The following SMAP1 variants were observed in gnomAD, a reference collection of about 807,000 sequenced individuals.
SMAP1 encodes the protein stromal membrane-associated protein 1.
SMAP1 carries 24 observed loss-of-function variants against 58.5 expected under a neutral mutation model. The ratio of observed to expected loss-of-function variants is 0.41; its 90% CI spans 0.30 to 0.58. The LOEUF is 0.58. Among genes scored for constraint, SMAP1 ranks in the 20% least tolerant of loss-of-function variants. The probability of loss-of-function intolerance (pLI) is 0.29; values close to 1 mark genes in which losing one functional copy is unlikely to be tolerated. For missense variants in SMAP1, 563 were observed against 566.3 expected (o/e 0.99, Z 0.06); for synonymous variants, 216 against 196.6 (o/e 1.10, Z -0.82).
chr6:70,756,008 A>C (rs1186066769), intron 3 of SMAP1, among the ~76,000 whole-genome samples: 1 of 152,006 alleles, frequency 6.6e-6, no homozygotes, highest in Non-Finnish European at 1.5e-5. Flanking sequence ...CACATAATCC[A>C]CCTTTATGAG....
rs753580446 is a variant in SMAP1, at chr6:70,791,746, G to T, written c.472G>T (p.Ala158Ser). The change falls in exon 5 of 11, where the codon GCT becomes TCT. Residue 158 changes from alanine (A) to serine (S), a missense_variant. By Grantham distance (99) the Ala-to-Ser change is moderately conservative. This residue lies in a region of SMAP1 where 494 missense variants were observed against 473.8 expected (regional missense o/e 1.04). Coordinates refer to ENST00000370455, the MANE Select transcript of SMAP1 (RefSeq NM_001044305.3). The part of the protein sequence containing the change: ...PLVSSPSLQA[A>S]VDKNKLEKEK... ...GGTATCCTCTCCTTCTCTGCAAGCT[G>T]CTGTTGACAAAAATAAATTGGAGGT... 7.3e-5 allele frequency: 117 copies of T among 1,612,900 alleles called. No homozygotes were observed. Among genetic ancestry groups the T allele is most frequent in the Non-Finnish European group, 9.2e-5 (109 of 1,179,514 alleles).
chr6:70,760,264 G>T (rs1766694257), intron 3 of SMAP1, among the ~76,000 whole-genome samples: 1 of 152,010 alleles, frequency 6.6e-6, no homozygotes, highest in African/African-American at 2.4e-5. Flanking sequence ...ATTTGCTGTT[G>T]TTACCTCAGT....
At chr6:70,749,481 A>G (rs776379835) in intron 2 of SMAP1, among the ~76,000 whole-genome samples, 1 of 152,188 alleles carries the variant, frequency 6.6e-6, no homozygotes, top group Non-Finnish European at 1.5e-5. Flanking sequence ...TTAAGATTTG[A>G]CTATTTTAAC....
Position 70,857,939 on chromosome 6 carries a change from A to G in SMAP1, c.979A>G (p.Thr327Ala), listed in dbSNP as rs1222837861. Residue 327 changes from threonine (T) to alanine (A), a missense_variant, in exon 10 of 11, where the codon ACA (threonine) becomes GCA (alanine). Thr to Ala is a moderately conservative substitution (Grantham distance 58). Coordinates refer to ENST00000370455, the MANE Select transcript of SMAP1 (RefSeq NM_001044305.3). ...TGGTGCAGGTGTATTTATGGGACCC[A>G]CAAATATACCATTTACCTCACAAGC... ...QSTPGVFMGP[T>A]NIPFTSQAPA... 3.1e-6 allele frequency: 5 copies of G among 1,614,026 alleles called. No individual in the cohort carries two copies. Among genetic ancestry groups the G allele is most frequent in the Non-Finnish European group, 4.2e-6 (5 of 1,179,950 alleles).
intron 5 of SMAP1, among the ~76,000 whole-genome samples, chr6:70,795,702 G>A (rs765139790): frequency 1.8e-4 from 28 of 151,958 alleles, no homozygotes; most frequent in Admixed American, 3.3e-4. Context: ...AGCTCTGAGA[G>A]GTTAGGGAGC....
chr6:70,798,821 T>TATTATA, intron 6 of SMAP1, 84 bp downstream of exon 6: 1 of 1,060,940 alleles, frequency 9.4e-7, no homozygotes, highest in Non-Finnish European at 1.3e-6. Context: ...TGGATATTTA[T>TATTATA]AATATGTAAA....
chr6:70,763,544 T>C (rs1265048574), intron 3 of SMAP1, among the ~76,000 whole-genome samples: 1 of 152,148 alleles, frequency 6.6e-6, no homozygotes, highest in Non-Finnish European at 1.5e-5. Flanking sequence ...TTGCTCATTT[T>C]AAATCAAAAA....
At chr6:70,840,415 T>A (rs1770757743) in intron 7 of SMAP1, among the ~76,000 whole-genome samples, 1 of 152,222 alleles carries the variant, frequency 6.6e-6, no homozygotes, top group South Asian at 2.1e-4. Context: ...TTATATTATA[T>A]ATACTTTATA....
intron 4 of SMAP1, among the ~76,000 whole-genome samples, chr6:70,784,119 C>T (rs569811741): frequency 1.6e-4 from 24 of 152,320 alleles, no homozygotes; most frequent in African/African-American, 5.8e-4. Flanking sequence ...AGAAACTCTA[C>T]AAGCCAGAAG....
intron 10 of SMAP1, chr6:70,859,748 A>G (rs1010803819): frequency 5.5e-6 from 1 of 181,136 alleles, no homozygotes; most frequent in Non-Finnish European, 1.1e-5. Flanking sequence ...TAGATCAGCG[A>G]GAGAAATAAA....
chr6:70,852,391 G>A (rs2150009522), intron 7 of SMAP1, 149 bp from the exon 8 acceptor site: 2 of 678,954 alleles, frequency 2.9e-6, no homozygotes, highest in East Asian at 3.3e-5. Flanking sequence ...TTGGGAAAGG[G>A]GATCGGGGGT....
At chr6:70,793,978 C>G (rs1446955851) in intron 5 of SMAP1, among the ~76,000 whole-genome samples, 2 of 152,096 alleles carry the variant, frequency 1.3e-5, no homozygotes, top group Admixed American at 6.5e-5. Context: ...GGTGATCTGC[C>G]CACCTCAGCC....
chr6:70,830,331 G>T (rs1230264582), intron 6 of SMAP1, among the ~76,000 whole-genome samples: 2 of 152,108 alleles, frequency 1.3e-5, no homozygotes, highest in Non-Finnish European at 2.9e-5. Context: ...GGAAGGTGTG[G>T]TCATCAAGGT....
chr6:70,839,808 A>G (rs1452649782), intron 7 of SMAP1, among the ~76,000 whole-genome samples: 4 of 152,148 alleles, frequency 2.6e-5, no homozygotes, highest in Non-Finnish European at 4.4e-5. Context: ...ACTCTTAAAA[A>G]ATATTTTCAG....
At chr6:70,844,949 C>G (rs1463033607) in intron 7 of SMAP1, among the ~76,000 whole-genome samples, 4 of 152,266 alleles carry the variant, frequency 2.6e-5, no homozygotes, top group Non-Finnish European at 4.4e-5. Context: ...ATGGACGCAG[C>G]CTTCTTTAAA....
chr6:70,826,052 C>CT (rs1278685765), intron 6 of SMAP1, among the ~76,000 whole-genome samples: 4 of 152,162 alleles, frequency 2.6e-5, no homozygotes, highest in Non-Finnish European at 5.9e-5. Flanking sequence ...ATAAAATGTA[C>CT]TACTGCAACC....
intron 4 of SMAP1, among the ~76,000 whole-genome samples, chr6:70,789,980 T>C (rs915099263): frequency 6.6e-6 from 1 of 152,204 alleles, no homozygotes; most frequent in Non-Finnish European, 1.5e-5. Flanking sequence ...CAAGCACTTA[T>C]ATAATGAATT....
chr6:70,708,633 CTT>C (rs1197849637), intron 1 of SMAP1, among the ~76,000 whole-genome samples: 1 of 152,116 alleles, frequency 6.6e-6, no homozygotes, highest in Admixed American at 6.5e-5. Context: ...CTTGTTATCT[CTT>C]GTCTTCTTGA....
At chr6:70,832,789 T>C (rs1295113863) in intron 6 of SMAP1, among the ~76,000 whole-genome samples, 19 of 152,196 alleles carry the variant, frequency 1.2e-4, no homozygotes. Context: ...GTGGTAATGA[T>C]ATTAATCTGT....
Sources: allele counts gnomAD v4.1 joint callset (sites outside exome capture counted in the v4.1 genomes callset), GRCh38; gene constraint gnomAD v4.1.1; regional missense constraint gnomAD v4.1.1; transcripts MANE v1.5; gene names NCBI Gene and HGNC (gene_info 2026-07-23, HGNC 2026-07-21).